Variants in CFAP54 observed in about 807,000 individuals in gnomAD.
The protein encoded by CFAP54 is cilia and flagella associated protein 54, also known as cilia- and flagella-associated protein 54.
CFAP54 carries 290 observed loss-of-function variants against 370.4 expected under a neutral mutation model. That is an observed-to-expected ratio of 0.78 (90% confidence interval 0.71 to 0.86). The LOEUF is 0.86. Ranked by LOEUF, CFAP54 falls within the 40% of genes least tolerant of loss-of-function variation. The probability of loss-of-function intolerance (pLI) is 0.00; values close to 1 mark genes in which losing one functional copy is unlikely to be tolerated. For synonymous variants in CFAP54, 1,206 were observed against 1,236.5 expected, an observed-to-expected ratio of 0.98 and a Z score of 0.52; for missense variants, 3,399 against 3,528.7, an observed-to-expected ratio of 0.96 and a Z score of 0.93.
At chr12:96,675,337 A>G (rs1957193845) in intron 39 of CFAP54, among the ~76,000 whole-genome samples, 1 of 152,256 alleles carries the variant, frequency 6.6e-6, no homozygotes, top group Non-Finnish European at 1.5e-5. Flanking sequence ...ACATGAAAAA[A>G]TGCTCATCAT....
chr12:96,618,573 A>G (rs1265544863), intron 26 of CFAP54, among the ~76,000 whole-genome samples: 2 of 151,264 alleles, frequency 1.3e-5, no homozygotes, highest in African/African-American at 4.9e-5. Context: ...GACAGTTAGG[A>G]GGAGATGGGT....
chr12:96,719,820 T>C (rs998215790), intron 49 of CFAP54, among the ~76,000 whole-genome samples: 3 of 152,198 alleles, frequency 2.0e-5, no homozygotes, highest in Non-Finnish European at 2.9e-5. Context: ...CCCTCCAGCA[T>C]AGTGCTGAAG....
intron 64 of CFAP54, among the ~76,000 whole-genome samples, chr12:96,815,110 C>T (rs1207741443): frequency 6.6e-6 from 1 of 152,124 alleles, no homozygotes; most frequent in Non-Finnish European, 1.5e-5. Context: ...TCTGGTTCTA[C>T]ATCCTTGAGG....
intron 39 of CFAP54, among the ~76,000 whole-genome samples, chr12:96,674,311 G>T (rs368719889): frequency 6.7e-6 from 1 of 148,190 alleles, no homozygotes; most frequent in East Asian, 2.0e-4. Flanking sequence ...TTCTAGAGTG[G>T]TACAATGAAA....
At chr12:96,623,724 C>G in intron 27 of CFAP54, 43 bp from the exon 28 acceptor site, 1 of 977,538 alleles carries the variant, frequency 1.0e-6, no homozygotes, top group Non-Finnish European at 1.5e-6. Flanking sequence ...ACAGTTGTTG[C>G]AACACGTTAA....
intron 50 of CFAP54, among the ~76,000 whole-genome samples, chr12:96,726,748 G>A (rs2136619371): frequency 6.6e-6 from 1 of 152,158 alleles, no homozygotes; most frequent in East Asian, 1.9e-4. Context: ...TGCTTTTCTA[G>A]TTCTTTTAAT....
At chr12:96,857,912 C>T (rs1025643853) in intron 66 of CFAP54, among the ~76,000 whole-genome samples, 10 of 152,240 alleles carry the variant, frequency 6.6e-5, no homozygotes, top group Non-Finnish European at 8.8e-5. Context: ...TGTATGAAAA[C>T]GGATCAATAT....
chr12:96,752,018 C>T (rs1019734819), intron 55 of CFAP54, among the ~76,000 whole-genome samples: 6 of 149,098 alleles, frequency 4.0e-5, no homozygotes, highest in Non-Finnish European at 7.4e-5. Context: ...TTGTCATCTC[C>T]GTATTCTCAT....
intron 3 of CFAP54, among the ~76,000 whole-genome samples, chr12:96,505,502 CTTT>C (rs58264783): frequency 4.5e-5 from 6 of 133,474 alleles, no homozygotes; most frequent in Non-Finnish European, 6.4e-5. Flanking sequence ...AATAGCCTCA[CTTT>C]TTTTTTTTTT....
At chr12:96,606,474 A>G (rs566120202) in intron 26 of CFAP54, among the ~76,000 whole-genome samples, 4 of 152,248 alleles carry the variant, frequency 2.6e-5, no homozygotes, top group Non-Finnish European at 5.9e-5. Flanking sequence ...ATATGGGAAA[A>G]CAATTAAAAT....
intron 1 of CFAP54, among the ~76,000 whole-genome samples, chr12:96,495,490 T>TC (rs1205984639): frequency 4.0e-5 from 6 of 150,782 alleles, no homozygotes; most frequent in Non-Finnish European, 1.5e-5. Context: ...AATTTTTGTT[T>TC]TTTTTTTTTT....
intron 6 of CFAP54, among the ~76,000 whole-genome samples, chr12:96,519,742 T>C (rs1323839887): frequency 6.6e-6 from 1 of 152,246 alleles, no homozygotes; most frequent in Non-Finnish European, 1.5e-5. Context: ...ATTAAGCTAA[T>C]TAACATATTC....
At chr12:96,629,313 A>AT (rs1319589751) in intron 30 of CFAP54, among the ~76,000 whole-genome samples, 2 of 151,252 alleles carry the variant, frequency 1.3e-5, no homozygotes, top group African/African-American at 2.4e-5. Context: ...TTTTATTATT[A>AT]TTTTTTTTGA....
At position 96,684,742 on chromosome 12, in the gene CFAP54, T is replaced by C. The variant is rs1307060044; in HGVS notation, c.5804+7T>C. 1 of 1,604,026 alleles carries C rather than the reference T, an allele frequency of 6.2e-7. No homozygotes were observed. The highest frequency in any genetic ancestry group is 8.5e-7 in the Non-Finnish European group (1 of 1,175,194). On this transcript the variant is annotated splice_region_variant and intron_variant, in intron 41 of 67. Transcript: ENST00000524981. ...TCTTCGCAGAAAAGAAAAGGTAGAT[T>C]TTTAGAAGTCTGTAGAACAAGGGCA...
intron 57 of CFAP54, 140 bp from the exon 58 acceptor site, chr12:96,757,355 A>G (rs1184750138): frequency 2.2e-6 from 1 of 456,848 alleles, no homozygotes; most frequent in Admixed American, 3.8e-5. Flanking sequence ...CAAAAGTGCT[A>G]TGAAAAGAGG....
At chr12:96,654,832 A>ATTTTTGTTTTTTTTTTTT (rs1956904029) in intron 36 of CFAP54, among the ~76,000 whole-genome samples, 1 of 132,064 alleles carries the variant, frequency 7.6e-6, no homozygotes, top group Non-Finnish European at 1.6e-5. Flanking sequence ...ATTTCACTTA[A>ATTTTTGTTTTTTTTTTTT]TTTTTTTTTT....
rs1299842528 is a variant in CFAP54, at chr12:96,625,764, T to A, written c.3933T>A (p.Tyr1311Ter). Residue 1311 changes from tyrosine to a stop codon, truncating the protein, a stop_gained, in exon 29 of 68, where the codon TAT (tyrosine) becomes TAA (stop). Transcript: ENST00000524981. LOFTEE classifies it high-confidence loss of function. ...GAGGAGAGGACCCTATATTTCTTTATCCTGTAGTTTTGAATTGGTCGGTCA... is the reference window on the plus strand; with the variant it reads ...GAGGAGAGGACCCTATATTTCTTTAACCTGTAGTTTTGAATTGGTCGGTCA... ...LSGGEDPIFL[Y>*]PVVLNWSVKG... 3.3e-6 allele frequency: 5 copies of A among 1,535,942 alleles called. No individual in the cohort carries two copies. In the African/African-American group the frequency reaches 6.8e-5, roughly 21 times the overall value.
intron 5 of CFAP54, 82 bp from the exon 6 acceptor site, chr12:96,518,846 C>A: frequency 8.0e-7 from 1 of 1,253,498 alleles, no homozygotes; most frequent in Non-Finnish European, 1.0e-6. Flanking sequence ...GTGCTCACAA[C>A]TTAGAATTTG....
intron 9 of CFAP54, among the ~76,000 whole-genome samples, chr12:96,529,281 A>G (rs1403822298): frequency 6.6e-6 from 1 of 152,172 alleles, no homozygotes; most frequent in Non-Finnish European, 1.5e-5. Context: ...AAGCTAGTAA[A>G]TCATGTGGTT....
Sources: gnomAD v4.1 joint callset for allele counts (sites outside exome capture counted in the v4.1 genomes callset) on GRCh38, gnomAD v4.1.1 for gene constraint, MANE v1.5 for transcripts, NCBI Gene and HGNC (gene_info 2026-07-23, HGNC 2026-07-21) for gene names.